Variants in C19orf81 observed in about 807,000 individuals in gnomAD.
The protein encoded by C19orf81 is chromosome 19 open reading frame 81.
In C19orf81, 19 loss-of-function variants were observed where a neutral mutation model predicts 22.1. The ratio of observed to expected loss-of-function variants is 0.86; its 90% CI spans 0.60 to 1.26. The LOEUF (loss-of-function observed/expected upper bound fraction) is 1.26. Among genes scored for constraint, C19orf81 ranks in the 50% most tolerant of loss-of-function variants. The pLI is 0.00. For synonymous variants in C19orf81, 108 were observed against 113.1 expected (o/e 0.95, Z 0.29); for missense variants, 287 against 280.7 (o/e 1.02, Z -0.16).
At position 50,655,661 on chromosome 19, in the gene C19orf81, C is replaced by A. The variant is rs1278815862; in HGVS notation, c.68-389C>A. ...AAGACTCTGTCTCAAAAAAAAAAAA[C>A]AAAAAACCTGAAAACTGGATTCAAG... On this transcript the variant is annotated intron_variant, in intron 1 of 4. Coordinates refer to ENST00000425202, the MANE Select transcript of C19orf81 (RefSeq NM_001195076.2). Among the ~76,000 whole-genome samples the A allele has an allele frequency of 1.1e-4, 16 of 146,650 alleles. No homozygotes were observed. The South Asian group carries it at 2.6e-3, about 24-fold the overall frequency.
intron 1 of C19orf81, among the ~76,000 whole-genome samples, chr19:50,654,102 G>A (rs909666937): frequency 6.6e-6 from 1 of 151,918 alleles, no homozygotes; most frequent in African/African-American, 2.4e-5. Flanking sequence ...TTGGTGTTAC[G>A]GGAAATGTTT....
Position 50,649,491 on chromosome 19 carries a change from C to T in C19orf81, c.47C>T (p.Pro16Leu), listed in dbSNP as rs1462350556. The part of the protein sequence containing the change: ...EPVCFPAMGS[P>L]TMHRKAGALL... ...GTGTGCTTCCCTGCCATGGGCAGCC[C>T]CACCATGCACAGGAAGGCAGGTACT... Residue 16 changes from proline (P) to leucine (L), a missense_variant, in exon 1 of 5, where the codon CCC becomes CTC. By Grantham distance (98) the Pro-to-Leu change is moderately conservative. Coordinates refer to ENST00000425202, the MANE Select transcript of C19orf81 (RefSeq NM_001195076.2). 4 of 1,536,210 alleles carry T rather than the reference C, an allele frequency of 2.6e-6. No individual in the cohort carries two copies. The highest frequency in any genetic ancestry group is 3.3e-4 in the Middle Eastern group (2 of 5,990).
chr19:50,658,236 G>A, intron 4 of C19orf81, 108 bp downstream of exon 4: 3 of 1,198,352 alleles, frequency 2.5e-6, no homozygotes, highest in Non-Finnish European at 2.3e-6. Context: ...GTGGCCAAGA[G>A]TGAAAGCATG....
intron 1 of C19orf81, among the ~76,000 whole-genome samples, chr19:50,652,432 A>G (rs1160727119): frequency 1.3e-5 from 2 of 152,314 alleles, no homozygotes; most frequent in South Asian, 2.1e-4. Flanking sequence ...TTGCAATACT[A>G]TGAGTACAAA....
chr19:50,653,092 C>CA (rs1984913301), intron 1 of C19orf81, among the ~76,000 whole-genome samples: 1 of 152,188 alleles, frequency 6.6e-6, no homozygotes, highest in African/African-American at 2.4e-5. Context: ...GGATGCAGTG[C>CA]AGTGGCACGA....
chr19:50,655,945 A>G (rs1984984604), intron 1 of C19orf81, 105 bp from the exon 2 acceptor site: 10 of 1,069,710 alleles, frequency 9.3e-6, no homozygotes, highest in Non-Finnish European at 4.1e-6. Context: ...CTGGCATACA[A>G]GCTATTCTGG....
At position 50,655,445 on chromosome 19, in the gene C19orf81, T is replaced by G. The variant is rs771766707; in HGVS notation, c.68-605T>G. 3.9e-5 allele frequency among the ~76,000 whole-genome samples: 6 copies of G among 152,026 alleles called. No homozygotes were observed. The South Asian group carries it at 6.2e-4, about 16-fold the overall frequency. ...GCAGGAGGATCACAAGGTCATGAGA[T>G]TGAGATCATCCTGGCTAACACAGTG... On this transcript the variant is annotated intron_variant, in intron 1 of 4. Transcript: ENST00000425202.
chr19:50,650,770 C>T (rs569553702), intron 1 of C19orf81, among the ~76,000 whole-genome samples: 32 of 152,372 alleles, frequency 2.1e-4, no homozygotes, highest in African/African-American at 7.0e-4. Flanking sequence ...CCTCAGCCTT[C>T]GAGGCCGAAC....
chr19:50,649,639 C>T (rs1368778375), intron 1 of C19orf81, 128 bp downstream of exon 1: 3 of 1,035,774 alleles, frequency 2.9e-6, no homozygotes, highest in African/African-American at 3.2e-5. Flanking sequence ...CCCTAGCATT[C>T]CTGGATTCAC....
Position 50,658,129 on chromosome 19 carries a change from G to GT in C19orf81, c.401+2dup, listed in dbSNP as rs1568422168. ...GTGGGACTGCTGGGCGCCGGAACCGGTGAGTAAGCGGCGGGGGCGGGGCCT... is the reference window on the plus strand; with the variant it reads ...GTGGGACTGCTGGGCGCCGGAACCGGTTGAGTAAGCGGCGGGGGCGGGGCCT... On this transcript the variant is annotated splice_donor_variant, in intron 4 of 4. Coordinates refer to ENST00000425202, the MANE Select transcript of C19orf81 (RefSeq NM_001195076.2). LOFTEE classifies it high-confidence loss of function. 6.5e-7 allele frequency: 1 copy of GT among 1,533,134 alleles called. No individual in the cohort carries two copies. Among genetic ancestry groups the GT allele is most frequent in the Non-Finnish European group, 8.7e-7 (1 of 1,145,590 alleles). 95.0% of individuals were successfully genotyped at this position (1,533,134 alleles called of 1,614,324 possible).
At chr19:50,658,225 C>A (rs1985044615) in intron 4 of C19orf81, 97 bp downstream of exon 4, 2 of 1,260,092 alleles carry the variant, frequency 1.6e-6, no homozygotes, top group Non-Finnish European at 2.1e-6. Flanking sequence ...CGCTGAGGGA[C>A]GTGGCCAAGA....
Position 50,658,024 on chromosome 19 carries a change from A to G in C19orf81, c.297A>G (p.Gln99=), listed in dbSNP as rs1232727764. ...ATTTTACCCACCTGGAGGTGCTGCA[A>G]GCCCTGGAGGCCCAGTTACCAGGGG... ...EEDFTHLEVL[Q]ALEAQLPGAM... The change falls in exon 4 of 5, where the codon CAA becomes CAG. Residue 99 remains glutamine (Q), a synonymous_variant. Transcript: ENST00000425202. 1 of 1,535,508 alleles carries G rather than the reference A, an allele frequency of 6.5e-7. No homozygotes were observed. Among genetic ancestry groups the G allele is most frequent in the Non-Finnish European group, 8.7e-7 (1 of 1,146,696 alleles).
At chr19:50,651,715 A>G (rs1984882215) in intron 1 of C19orf81, among the ~76,000 whole-genome samples, 1 of 152,144 alleles carries the variant, frequency 6.6e-6, no homozygotes, top group African/African-American at 2.4e-5. Context: ...AAGGAAAAAA[A>G]AAAAAGCTTG....
At position 50,656,257 on chromosome 19, in the gene C19orf81, T is replaced by G; in HGVS notation, c.172T>G (p.Tyr58Asp). 6.5e-7 allele frequency: 1 copy of G among 1,536,076 alleles called. No homozygotes were observed. The highest frequency in any genetic ancestry group is 8.7e-7 in the Non-Finnish European group (1 of 1,146,910). ...KQYLRQVIAE[Y>D]EALDRELPCI... ...GTACCTGCGGCAGGTCATTGCAGAG[T>G]ACGAGGCACTGGACCGAGAACTCCC... is the stretch of plus-strand genomic sequence containing the variant. Residue 58 changes from tyrosine (Y) to aspartate (D), a missense_variant, in exon 3 of 5, where the codon TAC becomes GAC. Transcript: ENST00000425202.
At chr19:50,652,232 G>A (rs1984892940) in intron 1 of C19orf81, among the ~76,000 whole-genome samples, 1 of 151,964 alleles carries the variant, frequency 6.6e-6, no homozygotes, top group Non-Finnish European at 1.5e-5. Flanking sequence ...TTTTATAGTT[G>A]GCTTGTTTAA....
intron 1 of C19orf81, among the ~76,000 whole-genome samples, chr19:50,653,036 T>C (rs1386541962): frequency 2.6e-5 from 4 of 152,166 alleles, no homozygotes; most frequent in Admixed American, 6.5e-5. Flanking sequence ...TTTTATTCTA[T>C]TCTATTTTAT....
chr19:50,658,272 A>C, intron 4 of C19orf81, 144 bp downstream of exon 4: 1 of 876,792 alleles, frequency 1.1e-6, no homozygotes, highest in Non-Finnish European at 1.7e-6. Context: ...GGGCGACTAG[A>C]TAAGAGCGTG....
intron 1 of C19orf81, among the ~76,000 whole-genome samples, chr19:50,655,274 T>A (rs1364342811): frequency 1.3e-5 from 2 of 151,876 alleles, no homozygotes; most frequent in African/African-American, 4.8e-5. Context: ...TAGCTGATGG[T>A]GGGGTGGTCA....
Position 50,658,982 on chromosome 19 carries a change from C to T in C19orf81, c.437C>T (p.Ser146Leu), listed in dbSNP as rs1467872749. Reference protein sequence around the residue: ...LIAVTDFQTRSRLLRSGLSPR... With the variant: ...LIAVTDFQTRLRLLRSGLSPR... ...GCGGTCACGGACTTCCAGACGCGCTCGCGCTTGCTGCGCTCCGGGCTCAGT... is the reference window on the plus strand; with the variant it reads ...GCGGTCACGGACTTCCAGACGCGCTTGCGCTTGCTGCGCTCCGGGCTCAGT... Residue 146 changes from serine to leucine, a missense_variant, in exon 5 of 5, where the codon TCG (serine) becomes TTG (leucine). Coordinates refer to ENST00000425202, the MANE Select transcript of C19orf81 (RefSeq NM_001195076.2). 4.0e-6 allele frequency: 6 copies of T among 1,515,800 alleles called. No homozygotes were observed. Among genetic ancestry groups the T allele is most frequent in the South Asian group, 2.4e-5 (2 of 81,958 alleles). 93.9% of individuals were successfully genotyped at this position (1,515,800 alleles called of 1,614,324 possible). A position where few individuals can be genotyped will look rare whatever the true frequency, so the allele number is the denominator to read the frequency against.
Sources: allele counts gnomAD v4.1 joint callset (sites outside exome capture counted in the v4.1 genomes callset), GRCh38; gene constraint gnomAD v4.1.1; transcripts MANE v1.5; gene names NCBI Gene and HGNC (gene_info 2026-07-23, HGNC 2026-07-21).